ZNF184: variants seen among roughly 807,000 people sequenced by gnomAD.
ZNF184 encodes zinc finger protein 184, also known as zinc finger protein 184 (Kruppel-like).
ZNF184 carries 16 observed loss-of-function variants against 54.4 expected under a neutral mutation model. That is an observed-to-expected ratio of 0.29 (90% CI 0.20 to 0.45). The LOEUF is 0.45. Among genes scored for constraint, ZNF184 ranks in the 20% least tolerant of loss-of-function variants. The probability of loss-of-function intolerance (pLI) is 1.00; values close to 1 mark genes in which losing one functional copy is unlikely to be tolerated. For missense variants in ZNF184, 681 were observed against 888.2 expected (o/e 0.77, Z 2.97); for synonymous variants, 254 against 295.3 (o/e 0.86, Z 1.43).
chr6:27,406,957 C>A, the ZNF184 span: 1 of 152,364 alleles, frequency 6.6e-6, no homozygotes, highest in African/African-American at 2.4e-5. Flanking sequence ...TGCTTCAGCG[C>A]CTTCTCCACA....
At chr6:27,416,072 T>C in the ZNF184 span, among the ~76,000 whole-genome samples, 1 of 152,190 alleles carries the variant, frequency 6.6e-6, no homozygotes, top group Non-Finnish European at 1.5e-5. Flanking sequence ...ACTTGTCTCT[T>C]TCTGTGTCCA....
At chr6:27,412,256 T>TG in the ZNF184 span, among the ~76,000 whole-genome samples, 362 of 152,254 alleles carry the variant, frequency 2.4e-3, 2 homozygotes, top group African/African-American at 8.2e-3. Flanking sequence ...GTTCCACAGT[T>TG]GGTAGGAGTT....
chr6:27,410,349 G>C, the ZNF184 span, among the ~76,000 whole-genome samples: 1 of 152,178 alleles, frequency 6.6e-6, no homozygotes, highest in Non-Finnish European at 1.5e-5. Context: ...GAGAAAGAAA[G>C]GGAACTGTGT....
the ZNF184 span, among the ~76,000 whole-genome samples, chr6:27,413,715 C>G: frequency 3.3e-5 from 5 of 152,296 alleles, no homozygotes; most frequent in East Asian, 7.7e-4. Context: ...ACAAAATTAA[C>G]AGTAATTCCT....
the ZNF184 span, among the ~76,000 whole-genome samples, chr6:27,429,456 C>T: frequency 6.6e-6 from 1 of 152,208 alleles, no homozygotes; most frequent in Non-Finnish European, 1.5e-5. Flanking sequence ...TTATTATCCT[C>T]TATCTTTTGG....
At chr6:27,422,106 A>G in the ZNF184 span, among the ~76,000 whole-genome samples, 2 of 141,652 alleles carry the variant, frequency 1.4e-5, no homozygotes, top group Non-Finnish European at 3.0e-5. Context: ...GTGGCACTAC[A>G]CCCTAGCCTG....
chr6:27,410,768 G>A, the ZNF184 span, among the ~76,000 whole-genome samples: 1 of 152,196 alleles, frequency 6.6e-6, no homozygotes, highest in African/African-American at 2.4e-5. Context: ...CTGACCTCAG[G>A]TGATCCACCT....
At chr6:27,408,279 A>C in the ZNF184 span, among the ~76,000 whole-genome samples, 8 of 152,376 alleles carry the variant, frequency 5.3e-5, no homozygotes, top group South Asian at 8.3e-4. Context: ...CTGAGAACTC[A>C]GGAGCTTCAC....
At chr6:27,466,143 AG>A (rs1763131484) in intron 3 of ZNF184, among the ~76,000 whole-genome samples, 4 of 11,530 alleles carry the variant, frequency 3.5e-4, no homozygotes, top group African/African-American at 1.3e-3. Context: ...AGTCAGAGGG[AG>A]AGAGAGAGAG....
the ZNF184 span, among the ~76,000 whole-genome samples, chr6:27,427,740 T>A: frequency 6.6e-6 from 1 of 152,210 alleles, no homozygotes; most frequent in Non-Finnish European, 1.5e-5. Flanking sequence ...AAGGAGCTAA[T>A]CATCTTCAAT....
At chr6:27,427,553 A>T in the ZNF184 span, among the ~76,000 whole-genome samples, 1 of 152,158 alleles carries the variant, frequency 6.6e-6, no homozygotes, top group African/African-American at 2.4e-5. Context: ...AGCATCTTTC[A>T]TCTGTCTCTC....
the ZNF184 span, chr6:27,404,031 CTATTT>C: frequency 6.6e-6 from 1 of 152,126 alleles, no homozygotes; most frequent in East Asian, 1.9e-4. Context: ...TAGGCAATAG[CTATTT>C]TATTATAACT....
chr6:27,453,219 G>C lies in ZNF184; in HGVS notation c.340C>G (p.Pro114Ala), dbSNP rs1402904263. ...GATAGCTCTTCTTCAGAAATGTCAGGCTCTGGGGCTGACACACTATTTTCA... is the reference window on the plus strand; with the variant it reads ...GATAGCTCTTCTTCAGAAATGTCAGCCTCTGGGGCTGACACACTATTTTCA... ...RLENSVSAPE[P>A]DISEEELSPE... The change falls in exon 6 of 6, where the codon CCT (proline) becomes GCT (alanine). Residue 114 changes from proline (P) to alanine (A), a missense_variant. Pro to Ala is a conservative substitution (Grantham distance 27, BLOSUM62 -1). Transcript: ENST00000683788. The surrounding 1 kb of genome is among the most constrained non-coding windows in gnomAD (Gnocchi z 4.7). The C allele has an allele frequency of 5.6e-6, 9 of 1,610,114 alleles. No homozygotes were observed. The highest frequency in any genetic ancestry group is 7.6e-6 in the Non-Finnish European group (9 of 1,178,686).
the ZNF184 span, among the ~76,000 whole-genome samples, chr6:27,433,362 C>T: frequency 2.0e-5 from 3 of 152,182 alleles, no homozygotes; most frequent in Non-Finnish European, 2.9e-5. Flanking sequence ...ATATACATAA[C>T]ATAAACTTTC....
At chr6:27,464,404 T>C (rs746735169) in intron 3 of ZNF184, among the ~76,000 whole-genome samples, 3 of 151,938 alleles carry the variant, frequency 2.0e-5, no homozygotes, top group Non-Finnish European at 2.9e-5. Context: ...CTAAGTAAAA[T>C]GGAATATCAC....
At chr6:27,421,298 T>C in the ZNF184 span, among the ~76,000 whole-genome samples, 10 of 152,306 alleles carry the variant, frequency 6.6e-5, no homozygotes, top group East Asian at 9.6e-4. Context: ...TTGAAGGAAG[T>C]TGATAATGGG....
the ZNF184 span, among the ~76,000 whole-genome samples, chr6:27,442,297 C>T: frequency 6.6e-6 from 1 of 152,126 alleles, no homozygotes; most frequent in Admixed American, 6.5e-5. Context: ...GCCGTACTTA[C>T]CTTTCAACCA....
the ZNF184 span, among the ~76,000 whole-genome samples, chr6:27,432,414 C>A: frequency 6.6e-6 from 1 of 152,064 alleles, no homozygotes; most frequent in African/African-American, 2.4e-5. The surrounding 1 kb of genome is among the most constrained non-coding windows in gnomAD (Gnocchi z 4.0). Flanking sequence ...AAAGAAGGAA[C>A]AGTAATAAAG....
At chr6:27,443,659 C>G in the ZNF184 span, among the ~76,000 whole-genome samples, 1 of 152,114 alleles carries the variant, frequency 6.6e-6, no homozygotes, top group Non-Finnish European at 1.5e-5. Context: ...TCCAAACTAC[C>G]AGGCCCTATC....
Sources: gnomAD v4.1 joint callset for allele counts (sites outside exome capture counted in the v4.1 genomes callset) on GRCh38, gnomAD v4.1.1 for gene constraint, Gnocchi (gnomAD v3.1) non-coding constraint, MANE v1.5 for transcripts, NCBI Gene and HGNC (gene_info 2026-07-23, HGNC 2026-07-21) for gene names.